Variants in EXOC6B observed in about 807,000 individuals in gnomAD.
The protein encoded by EXOC6B is exocyst complex component 6B, also known as SEC15 homolog B.
Under a neutral mutation model 113.5 loss-of-function variants are expected in EXOC6B, and 54 were observed. The observed-to-expected ratio is 0.48, with a 90% CI of 0.38 to 0.60. The LOEUF is 0.60. EXOC6B is among the 20% of genes least tolerant of loss of function. EXOC6B has a pLI of 0.00. For missense variants in EXOC6B, 797 were observed against 977.5 expected (o/e 0.82, Z 2.46); for synonymous variants, 357 against 339.0 (o/e 1.05, Z -0.58).
chr2:72,647,859 C>T (rs900650007), intron 6 of EXOC6B, among the ~76,000 whole-genome samples: 15 of 152,150 alleles, frequency 9.9e-5, no homozygotes, highest in Admixed American at 2.0e-4. Flanking sequence ...CCATTCAGGA[C>T]GTAGGCATGG....
intron 11 of EXOC6B, among the ~76,000 whole-genome samples, chr2:72,501,667 T>C (rs534902251): frequency 6.6e-6 from 1 of 151,644 alleles, no homozygotes; most frequent in Admixed American, 6.6e-5. Flanking sequence ...AATTATATCC[T>C]TTTTGCCCAT....
chr2:72,633,289 G>T (rs902977353), intron 6 of EXOC6B, among the ~76,000 whole-genome samples: 1 of 152,174 alleles, frequency 6.6e-6, no homozygotes, highest in African/African-American at 2.4e-5. Flanking sequence ...AATTAGGCAG[G>T]ATCATACACT....
chr2:72,307,160 AG>A (rs1686912860), intron 20 of EXOC6B, among the ~76,000 whole-genome samples: 1 of 107,760 alleles, frequency 9.3e-6, no homozygotes, highest in Non-Finnish European at 1.7e-5. Flanking sequence ...GGTATAGTCC[AG>A]TTTTTTTTTT....
chr2:72,310,902 ATAT>A (rs989429119), intron 20 of EXOC6B, among the ~76,000 whole-genome samples: 1 of 150,442 alleles, frequency 6.6e-6, no homozygotes, highest in Admixed American at 6.6e-5. Flanking sequence ...GCTAGTATTA[ATAT>A]TATAGCCATT....
chr2:72,214,442 G>C (rs1680386009), intron 20 of EXOC6B, among the ~76,000 whole-genome samples: 3 of 148,908 alleles, frequency 2.0e-5, no homozygotes, highest in African/African-American at 7.5e-5. Flanking sequence ...AGTGAGCCAA[G>C]ATTGCGCCAC....
intron 20 of EXOC6B, among the ~76,000 whole-genome samples, chr2:72,274,045 G>C (rs1291766228): frequency 6.6e-6 from 1 of 152,056 alleles, no homozygotes; most frequent in Non-Finnish European, 1.5e-5. Flanking sequence ...AAATGATGAG[G>C]GAAGGCTTCA....
chr2:72,683,428 G>T (rs923502640), intron 6 of EXOC6B, among the ~76,000 whole-genome samples: 9 of 152,046 alleles, frequency 5.9e-5, no homozygotes, highest in Non-Finnish European at 1.2e-4. Flanking sequence ...TATGTCTAAG[G>T]GGTGAATGGA....
chr2:72,670,992 A>T (rs1675752628), intron 6 of EXOC6B, among the ~76,000 whole-genome samples: 1 of 152,136 alleles, frequency 6.6e-6, no homozygotes. Flanking sequence ...TTCTACTTGG[A>T]TGTCTTAGAG....
intron 1 of EXOC6B, among the ~76,000 whole-genome samples, chr2:72,754,050 T>A (rs976962299): frequency 6.6e-6 from 1 of 151,912 alleles, no homozygotes; most frequent in African/African-American, 2.4e-5. Flanking sequence ...GGCACCACCA[T>A]GCCTAGCTCA....
Position 72,825,956 on chromosome 2 carries a change from A to G in EXOC6B, c.-46T>C, listed in dbSNP as rs1317764893. The G allele has an allele frequency of 6.3e-7, 1 of 1,599,934 alleles. No individual in the cohort carries two copies. Among genetic ancestry groups the G allele is most frequent in the Non-Finnish European group, 8.5e-7 (1 of 1,176,138 alleles). ...CGCGTCCCCTCCGTCGGCTCGGCTC[A>G]CCTTTTCCCTGCCCCACAATGCCGC... On this transcript the variant is annotated 5_prime_UTR_variant, in exon 1 of 22. Transcript: ENST00000272427. The surrounding 1 kb of genome is among the most constrained non-coding windows in gnomAD (Gnocchi z 4.4).
intron 6 of EXOC6B, among the ~76,000 whole-genome samples, chr2:72,657,023 G>C (rs528417259): frequency 6.6e-6 from 1 of 151,520 alleles, no homozygotes; most frequent in Non-Finnish European, 1.5e-5. Flanking sequence ...AGCTAATTTT[G>C]TATTTTTAGT....
At chr2:72,728,382 G>T (rs1680434816) in intron 5 of EXOC6B, among the ~76,000 whole-genome samples, 1 of 152,102 alleles carries the variant, frequency 6.6e-6, no homozygotes, top group South Asian at 2.1e-4. Context: ...ACACTCTCAA[G>T]AAATTTTGAA....
intron 6 of EXOC6B, among the ~76,000 whole-genome samples, chr2:72,645,143 G>C (rs1673604473): frequency 6.6e-6 from 1 of 152,100 alleles, no homozygotes; most frequent in South Asian, 2.1e-4. Flanking sequence ...TGCAATCCTA[G>C]TCTCCAATAA....
At chr2:72,696,644 T>C (rs1677905357) in intron 6 of EXOC6B, among the ~76,000 whole-genome samples, 1 of 152,132 alleles carries the variant, frequency 6.6e-6, no homozygotes, top group Non-Finnish European at 1.5e-5. Flanking sequence ...AACGCCACCA[T>C]GCAATGATGA....
At chr2:72,471,861 C>T (rs1462253218) in intron 17 of EXOC6B, among the ~76,000 whole-genome samples, 5 of 152,038 alleles carry the variant, frequency 3.3e-5, no homozygotes, top group Admixed American at 2.0e-4. Context: ...TGTGGGTCTG[C>T]TATATGTGGC....
intron 20 of EXOC6B, among the ~76,000 whole-genome samples, chr2:72,194,175 A>G (rs1679016960): frequency 6.6e-6 from 1 of 152,184 alleles, no homozygotes; most frequent in South Asian, 2.1e-4. Context: ...CCTTCCCATT[A>G]TAATGAGATG....
At chr2:72,323,633 C>T (rs1439156647) in intron 20 of EXOC6B, among the ~76,000 whole-genome samples, 1 of 152,106 alleles carries the variant, frequency 6.6e-6, no homozygotes, top group African/African-American at 2.4e-5. Context: ...GGCACATATA[C>T]ACCATGGAAT....
intron 5 of EXOC6B, among the ~76,000 whole-genome samples, chr2:72,727,464 C>A (rs1558953328): frequency 6.6e-6 from 1 of 152,052 alleles, no homozygotes; most frequent in South Asian, 2.1e-4. Flanking sequence ...AGAGACATGA[C>A]AACTAAAAGC....
At chr2:72,500,671 C>T (rs1700270307) in intron 11 of EXOC6B, among the ~76,000 whole-genome samples, 1 of 151,878 alleles carries the variant, frequency 6.6e-6, no homozygotes, top group Non-Finnish European at 1.5e-5. Flanking sequence ...CATGTATAAC[C>T]TCATATCAAC....
Sources: gnomAD v4.1 joint callset for allele counts (sites outside exome capture counted in the v4.1 genomes callset) on GRCh38, gnomAD v4.1.1 for gene constraint, Gnocchi (gnomAD v3.1) non-coding constraint, MANE v1.5 for transcripts, NCBI Gene and HGNC (gene_info 2026-07-23, HGNC 2026-07-21) for gene names.